MACROD2: variants seen among roughly 807,000 people sequenced by gnomAD.
MACROD2 encodes ADP-ribose glycohydrolase MACROD2.
Under a neutral mutation model 70.4 loss-of-function variants are expected in MACROD2, and 36 were observed. That is an observed-to-expected ratio of 0.51 (90% CI 0.39 to 0.68). MACROD2 has a LOEUF of 0.68. MACROD2 is among the 30% of genes least tolerant of loss of function. The pLI is 0.00. For synonymous variants in MACROD2, 172 were observed against 178.8 expected (o/e 0.96, Z 0.30); for missense variants, 496 against 538.4 (o/e 0.92, Z 0.78).
intron 5 of MACROD2, among the ~76,000 whole-genome samples, chr20:14,835,909 G>C (rs2073024223): frequency 6.6e-6 from 1 of 152,022 alleles, no homozygotes; most frequent in Non-Finnish European, 1.5e-5. Flanking sequence ...TTTAGGAAAA[G>C]TCGGGCAAGT....
At chr20:15,095,704 A>G (rs2075825978) in intron 5 of MACROD2, among the ~76,000 whole-genome samples, 1 of 151,536 alleles carries the variant, frequency 6.6e-6, no homozygotes, top group Non-Finnish European at 1.5e-5. Context: ...TTTTTAGTAG[A>G]GATGGGGTTT....
At chr20:14,330,513 A>G (rs369181828) in intron 3 of MACROD2, among the ~76,000 whole-genome samples, 1 of 152,224 alleles carries the variant, frequency 6.6e-6, no homozygotes. Flanking sequence ...AAATAAGGCC[A>G]CAATTTGTGT....
chr20:15,595,003 A>G (rs2048727666), intron 8 of MACROD2, among the ~76,000 whole-genome samples: 1 of 151,964 alleles, frequency 6.6e-6, no homozygotes, highest in Non-Finnish European at 1.5e-5. Context: ...ACATTACTTC[A>G]TTGTCTTTAC....
chr20:15,084,077 T>TTTTTTTTTTTTTGTTTTG (rs1555780896), intron 5 of MACROD2, among the ~76,000 whole-genome samples: 2 of 145,708 alleles, frequency 1.4e-5, no homozygotes, highest in African/African-American at 5.2e-5. Context: ...TTTTTGTTTT[T>TTTTTTTTTTTTTGTTTTG]TTTTTTTAAT....
At chr20:16,045,307 C>T (rs1044005481) in intron 17 of MACROD2, among the ~76,000 whole-genome samples, 10 of 152,074 alleles carry the variant, frequency 6.6e-5, no homozygotes, top group African/African-American at 2.2e-4. Flanking sequence ...CTAAATCTCT[C>T]AGTAGAGACT....
chr20:14,726,933 G>T (rs1299059468), intron 5 of MACROD2, among the ~76,000 whole-genome samples: 1 of 151,768 alleles, frequency 6.6e-6, no homozygotes, highest in Non-Finnish European at 1.5e-5. Context: ...TTTACCAGAG[G>T]TTAAAAAAAA....
intron 4 of MACROD2, among the ~76,000 whole-genome samples, chr20:14,519,761 C>A (rs1456030299): frequency 6.6e-6 from 1 of 152,240 alleles, no homozygotes; most frequent in African/African-American, 2.4e-5. Flanking sequence ...AAGACACATG[C>A]ATATGTATGT....
chr20:14,375,701 G>C (rs1040338977), intron 3 of MACROD2, among the ~76,000 whole-genome samples: 3 of 152,176 alleles, frequency 2.0e-5, no homozygotes, highest in African/African-American at 7.2e-5. Flanking sequence ...GCTTTCATGT[G>C]AATGAATGGA....
intron 1 of MACROD2, among the ~76,000 whole-genome samples, chr20:13,997,551 G>A (rs2052680171): frequency 1.3e-5 from 2 of 151,786 alleles, no homozygotes; most frequent in Non-Finnish European, 2.9e-5. Context: ...AAGTAATAAC[G>A]TTATAATGTT....
intron 8 of MACROD2, among the ~76,000 whole-genome samples, chr20:15,551,085 G>A (rs1466216611): frequency 6.6e-6 from 1 of 152,202 alleles, no homozygotes; most frequent in Non-Finnish European, 1.5e-5. Context: ...CCATGTGGGT[G>A]TAGGGAAGGA....
At chr20:15,881,148 G>C (rs897812718) in intron 9 of MACROD2, among the ~76,000 whole-genome samples, 4 of 152,010 alleles carry the variant, frequency 2.6e-5, no homozygotes, top group African/African-American at 9.7e-5. Flanking sequence ...TATTTGACTA[G>C]CAAAAATAGT....
chr20:14,672,256 C>T (rs966735507), intron 4 of MACROD2, among the ~76,000 whole-genome samples: 2 of 152,176 alleles, frequency 1.3e-5, no homozygotes, highest in African/African-American at 2.4e-5. Flanking sequence ...AGTTGGCCTC[C>T]GCTGAGATGG....
intron 4 of MACROD2, among the ~76,000 whole-genome samples, chr20:14,683,511 G>C (rs1002201585): frequency 6.6e-6 from 1 of 152,148 alleles, no homozygotes; most frequent in African/African-American, 2.4e-5. Flanking sequence ...TGTCTTTGAG[G>C]TTGAGGATCA....
intron 10 of MACROD2, among the ~76,000 whole-genome samples, chr20:15,898,308 G>A (rs765062388): frequency 1.3e-5 from 2 of 152,102 alleles, no homozygotes; most frequent in Non-Finnish European, 2.9e-5. Flanking sequence ...CCAGCACTTT[G>A]GGAGCCCGAG....
intron 5 of MACROD2, among the ~76,000 whole-genome samples, chr20:15,113,491 G>A (rs776040488): frequency 4.6e-5 from 7 of 152,082 alleles, no homozygotes; most frequent in Non-Finnish European, 8.8e-5. Flanking sequence ...GTGTTTTTGA[G>A]GCGTCAAAAC....
chr20:15,890,859 A>C (rs1423280951), intron 10 of MACROD2, among the ~76,000 whole-genome samples: 1 of 152,154 alleles, frequency 6.6e-6, no homozygotes, highest in Non-Finnish European at 1.5e-5. Context: ...AGAATTAGGC[A>C]GGGTCCCCAT....
intron 3 of MACROD2, among the ~76,000 whole-genome samples, chr20:14,180,671 C>A (rs1449423795): frequency 3.3e-5 from 5 of 151,768 alleles, no homozygotes; most frequent in East Asian, 1.9e-4. Context: ...TTATTATTTT[C>A]TTTTATCTTA....
intron 5 of MACROD2, among the ~76,000 whole-genome samples, chr20:14,775,895 AC>A (rs2072227833): frequency 6.6e-6 from 1 of 152,076 alleles, no homozygotes; most frequent in East Asian, 1.9e-4. Flanking sequence ...CCTCATATCA[AC>A]CTTTGACAAT....
chr20:14,262,455 A>G (rs1197325990), intron 3 of MACROD2, among the ~76,000 whole-genome samples: 1 of 152,164 alleles, frequency 6.6e-6, no homozygotes, highest in African/African-American at 2.4e-5. Flanking sequence ...AATGAATTTG[A>G]AGTTCATTTG....
Sources: allele counts gnomAD v4.1 joint callset (sites outside exome capture counted in the v4.1 genomes callset), GRCh38; gene constraint gnomAD v4.1.1; transcripts MANE v1.5; gene names NCBI Gene and HGNC (gene_info 2026-07-23, HGNC 2026-07-21).